Variants in PTPRD observed in about 807,000 individuals in gnomAD.
PTPRD encodes the protein receptor-type tyrosine-protein phosphatase delta.
Under a neutral mutation model 214.5 loss-of-function variants are expected in PTPRD, and 34 were observed. The ratio of observed to expected loss-of-function variants is 0.16; its 90% confidence interval spans 0.12 to 0.21. PTPRD has a LOEUF of 0.21. PTPRD is among the 10% of genes least tolerant of loss of function. PTPRD has a pLI of 1.00. For missense variants in PTPRD, 2,545 were observed against 2,398.7 expected, an observed-to-expected ratio of 1.06 and a Z score of -1.27; for synonymous variants, 1,128 against 845.7, an observed-to-expected ratio of 1.33 and a Z score of -5.79.
intron 10 of PTPRD, among the ~76,000 whole-genome samples, chr9:9,048,788 A>C (rs2099678723): frequency 6.6e-6 from 1 of 152,124 alleles, no homozygotes; most frequent in South Asian, 2.1e-4. Context: ...AATAACTGTA[A>C]ATTTAAAAAT....
chr9:9,111,437 T>G (rs1179678673), intron 10 of PTPRD, among the ~76,000 whole-genome samples: 1 of 151,966 alleles, frequency 6.6e-6, no homozygotes, highest in Non-Finnish European at 1.5e-5. Context: ...GGGTGAGTCC[T>G]CACTTTGGAT....
At chr9:10,257,287 A>G (rs1484426448) in intron 3 of PTPRD, among the ~76,000 whole-genome samples, 1 of 152,214 alleles carries the variant, frequency 6.6e-6, no homozygotes, top group Non-Finnish European at 1.5e-5. Context: ...GCTCCACAGC[A>G]TAACATTACT....
At chr9:8,784,754 C>T (rs374081410) in intron 11 of PTPRD, among the ~76,000 whole-genome samples, 4 of 152,256 alleles carry the variant, frequency 2.6e-5, no homozygotes, top group African/African-American at 9.6e-5. Flanking sequence ...TAACATCCCC[C>T]CTGTATCTTA....
chr9:8,358,472 C>T (rs991569530), intron 39 of PTPRD, among the ~76,000 whole-genome samples: 3 of 152,152 alleles, frequency 2.0e-5, no homozygotes, highest in Non-Finnish European at 2.9e-5. Flanking sequence ...TTTAGAGATA[C>T]TAACTCTGGC....
chr9:9,308,722 GGAAA>G (rs1297434607), intron 9 of PTPRD, among the ~76,000 whole-genome samples: 1 of 152,022 alleles, frequency 6.6e-6, no homozygotes, highest in Non-Finnish European at 1.5e-5. Context: ...ACTTATTTTT[GGAAA>G]GAGTTATTAA....
At chr9:9,069,128 A>G (rs1255625948) in intron 10 of PTPRD, among the ~76,000 whole-genome samples, 3 of 152,222 alleles carry the variant, frequency 2.0e-5, no homozygotes, top group Non-Finnish European at 4.4e-5. Flanking sequence ...AGATATTGCT[A>G]TACTTAAAGG....
chr9:8,418,859 T>G (rs10977075), intron 35 of PTPRD, among the ~76,000 whole-genome samples: 4 of 152,006 alleles, frequency 2.6e-5, no homozygotes, highest in Non-Finnish European at 2.9e-5. Flanking sequence ...TAGAGTATAC[T>G]GGAAGAATAA....
intron 7 of PTPRD, among the ~76,000 whole-genome samples, chr9:9,646,167 T>G (rs1259989881): frequency 1.3e-5 from 2 of 152,202 alleles, no homozygotes; most frequent in African/African-American, 4.8e-5. Flanking sequence ...TTTAGAAGTT[T>G]GTTTTTTGAG....
At chr9:9,781,008 A>G (rs1044572441) in intron 5 of PTPRD, among the ~76,000 whole-genome samples, 1 of 152,190 alleles carries the variant, frequency 6.6e-6, no homozygotes, top group African/African-American at 2.4e-5. Context: ...AAGATCAGTG[A>G]TGGCCAGGGG....
intron 14 of PTPRD, among the ~76,000 whole-genome samples, chr9:8,556,387 AATAT>A (rs896993304): frequency 1.2e-4 from 18 of 152,220 alleles, no homozygotes; most frequent in African/African-American, 4.1e-4. Flanking sequence ...CTAAATGTGT[AATAT>A]ACACTAACAA....
At chr9:10,048,796 T>C (rs2097457346) in intron 3 of PTPRD, among the ~76,000 whole-genome samples, 1 of 152,036 alleles carries the variant, frequency 6.6e-6, no homozygotes, top group African/African-American at 2.4e-5. Flanking sequence ...TATTATCAAG[T>C]GTTTCTTTCA....
At chr9:9,241,764 A>T (rs1272611899) in intron 9 of PTPRD, among the ~76,000 whole-genome samples, 1 of 151,474 alleles carries the variant, frequency 6.6e-6, no homozygotes, top group Non-Finnish European at 1.5e-5. Flanking sequence ...GGTTTCCTGA[A>T]TACAGCACAC....
rs545993158 is a variant in PTPRD at position 8,962,683 on chromosome 9, C to G, written c.-104+56014G>C. On this transcript the variant is annotated intron_variant, in intron 11 of 45. Coordinates refer to ENST00000381196, the MANE Select transcript of PTPRD (RefSeq NM_002839.4). Reference sequence around the variant, plus strand: ...TGTGGGGTACTAAAATTACCATATTCTAAAATAACAAATTAGCTGAGTCAA... The same window carrying G: ...TGTGGGGTACTAAAATTACCATATTGTAAAATAACAAATTAGCTGAGTCAA... 9.9e-5 allele frequency: 15 copies of G among 152,014 alleles called. No individual in the cohort carries two copies. The East Asian group carries it at 2.9e-3, about 29-fold the overall frequency. 9.4% of individuals were successfully genotyped at this position (152,014 alleles called of 1,614,324 possible).
chr9:8,400,035 T>TC (rs779885975), intron 36 of PTPRD, among the ~76,000 whole-genome samples: 15 of 152,122 alleles, frequency 9.9e-5, no homozygotes, highest in South Asian at 2.1e-4. Flanking sequence ...GTCTTGTCTT[T>TC]GTTGTTGAAT....
chr9:8,341,325 A>C (rs1852229191), intron 40 of PTPRD, 57 bp from the exon 41 acceptor site: 1 of 1,509,144 alleles, frequency 6.6e-7, no homozygotes, highest in South Asian at 1.3e-5. Context: ...TTTCACCTAC[A>C]GTTTGAATGC....
intron 9 of PTPRD, among the ~76,000 whole-genome samples, chr9:9,300,851 A>G (rs1167857406): frequency 4.0e-5 from 6 of 151,850 alleles, no homozygotes; most frequent in Non-Finnish European, 8.8e-5. Context: ...AACTCTGCTC[A>G]TTGAAAATTA....
At chr9:9,318,236 A>AAC (rs1964441493) in intron 9 of PTPRD, among the ~76,000 whole-genome samples, 1 of 151,820 alleles carries the variant, frequency 6.6e-6, no homozygotes, top group Non-Finnish European at 1.5e-5. Context: ...AAAAAAAAAA[A>AAC]AACACCAAAA....
intron 12 of PTPRD, among the ~76,000 whole-genome samples, chr9:8,639,173 G>C (rs2096518672): frequency 6.6e-6 from 1 of 152,124 alleles, no homozygotes; most frequent in Admixed American, 6.5e-5. Flanking sequence ...AACAGTGAGA[G>C]GATTACAAAA....
At chr9:8,924,622 G>C (rs940928451) in intron 11 of PTPRD, among the ~76,000 whole-genome samples, 5 of 151,936 alleles carry the variant, frequency 3.3e-5, no homozygotes, top group Non-Finnish European at 7.4e-5. Context: ...GTCCATGGAG[G>C]CCTCTCCATC....
Sources: gnomAD v4.1 joint callset for allele counts (sites outside exome capture counted in the v4.1 genomes callset) on GRCh38, gnomAD v4.1.1 for gene constraint, MANE v1.5 for transcripts, NCBI Gene and HGNC (gene_info 2026-07-23, HGNC 2026-07-21) for gene names.